The following CCDC110 variants were observed in gnomAD, a reference collection of about 807,000 sequenced individuals.
CCDC110 encodes coiled-coil domain-containing protein 110.
A neutral mutation model predicts 77.1 loss-of-function variants in CCDC110; 70 were observed. That is an observed-to-expected ratio of 0.91 (90% CI 0.75 to 1.11). The LOEUF (loss-of-function observed/expected upper bound fraction) is 1.11, where lower values mean the gene tolerates loss of function less well. Among genes scored for constraint, CCDC110 ranks in the 50% least tolerant of loss-of-function variants. The pLI is 0.00. For synonymous variants in CCDC110, 295 were observed against 312.5 expected (o/e 0.94, Z 0.59); for missense variants, 868 against 942.9 (o/e 0.92, Z 1.04).
intron 6 of CCDC110, among the ~76,000 whole-genome samples, chr4:185,454,716 A>G (rs573300050): frequency 6.6e-6 from 1 of 152,178 alleles, no homozygotes; most frequent in South Asian, 2.1e-4. Flanking sequence ...TCCATCTCAA[A>G]AAAATAAAAA....
In CCDC110 at chr4:185,467,930, G is replaced by A. The variant is rs1013733650; in HGVS notation, c.115+3015C>T. Among the ~76,000 whole-genome samples the A allele has an allele frequency of 5.2e-4, 79 of 152,212 alleles. 1 individual carries two copies. Among genetic ancestry groups the A allele is most frequent in the African/African-American group, 1.7e-3 (72 of 41,526 alleles). On this transcript the variant is annotated intron_variant, in intron 2 of 6. Coordinates refer to ENST00000307588, the MANE Select transcript of CCDC110 (RefSeq NM_152775.4). ...ACTACAGGCATGTGCCAGCACACCCGGCTAATTTTTGTATTTTTAGTAGAG... is the reference window on the plus strand; with the variant it reads ...ACTACAGGCATGTGCCAGCACACCCAGCTAATTTTTGTATTTTTAGTAGAG...
rs2095660776 is a variant in CCDC110, at chr4:185,468,871, T to C, written c.115+2074A>G. Among the ~76,000 whole-genome samples, 1 of 152,228 alleles carries C rather than the reference T, an allele frequency of 6.6e-6. No homozygotes were observed. Among genetic ancestry groups the C allele is most frequent in the Admixed American group, 6.5e-5 (1 of 15,280 alleles). On this transcript the variant is annotated intron_variant, in intron 2 of 6. Coordinates refer to ENST00000307588, the MANE Select transcript of CCDC110 (RefSeq NM_152775.4). The surrounding 1 kb of genome is among the most constrained non-coding windows in gnomAD (Gnocchi z 4.5). ...TTCCCTCACTAGAAGGTAAGCTCCATGTGGGCAGGGAATCTTGCAAGTCTT... is the reference window on the plus strand; with the variant it reads ...TTCCCTCACTAGAAGGTAAGCTCCACGTGGGCAGGGAATCTTGCAAGTCTT...
chr4:185,446,544 T>G (rs1233912861), intron 6 of CCDC110, among the ~76,000 whole-genome samples: 4 of 152,190 alleles, frequency 2.6e-5, no homozygotes, highest in African/African-American at 9.7e-5. Flanking sequence ...TATTTTGATC[T>G]AGTCAGTTGC....
At position 185,458,602 on chromosome 4, in the gene CCDC110, A is replaced by T; in HGVS notation, c.1985T>A (p.Ile662Asn). ...TAARQIMERE[I>N]ENIQTYQSTA... Reference sequence around the variant, plus strand: ...AGATTGGTAGGTTTGAATATTCTCAATTTCTCTTTCCATAATTTGTCTGGC... The same window carrying T: ...AGATTGGTAGGTTTGAATATTCTCATTTTCTCTTTCCATAATTTGTCTGGC... Residue 662 changes from isoleucine (I) to asparagine (N), a missense_variant, in exon 6 of 7, where the codon ATT (isoleucine) becomes AAT (asparagine). Physicochemically the swap from Ile to Asn is moderately radical, Grantham distance 149 (BLOSUM62 -3). Coordinates refer to ENST00000307588, the MANE Select transcript of CCDC110 (RefSeq NM_152775.4). 1 of 1,608,054 alleles carries T rather than the reference A, an allele frequency of 6.2e-7. No homozygotes were observed. The highest frequency in any genetic ancestry group is 1.7e-5 in the Admixed American group (1 of 59,884).
At chr4:185,448,265 C>T (rs908378093) in intron 6 of CCDC110, among the ~76,000 whole-genome samples, 6 of 152,182 alleles carry the variant, frequency 3.9e-5, no homozygotes, top group Non-Finnish European at 8.8e-5. Context: ...AGGTGATCCG[C>T]CCGCCTCAGC....
Position 185,459,043 on chromosome 4 carries a change from T to A in CCDC110, c.1544A>T (p.Tyr515Phe). 6 of 1,571,434 alleles carry A rather than the reference T, an allele frequency of 3.8e-6. No individual in the cohort carries two copies. The highest frequency in any genetic ancestry group is 5.2e-6 in the Non-Finnish European group (6 of 1,159,150). Reference protein sequence around the residue: ...LKEFKKIISKYNVLQGQNKTL... With the variant: ...LKEFKKIISKFNVLQGQNKTL... ...TTTATTTTGGCCTTGCAGAACATTA[T>A]ATTTACTAATTATTTTTTTAAATTC... is the stretch of plus-strand genomic sequence containing the variant. The change falls in exon 6 of 7, where the codon TAT (tyrosine) becomes TTT (phenylalanine). Residue 515 changes from tyrosine to phenylalanine, a missense_variant. Transcript: ENST00000307588.
intron 6 of CCDC110, chr4:185,449,601 T>C (rs1466897339): frequency 1.9e-6 from 3 of 1,541,154 alleles, no homozygotes; most frequent in African/African-American, 1.4e-5. Flanking sequence ...TTTAGGGCAC[T>C]AAATTCAAAG....
rs1218493926 is a variant in CCDC110 at position 185,450,842 on chromosome 4, G to A, written c.2462-5300C>T. On this transcript the variant is annotated intron_variant, in intron 6 of 6. Transcript: ENST00000307588. ...TAGCCCTCATTCACCAGGGGCAGGGGCTGGTGGGGTTTGTATTTTAAAAGG... is the reference window on the plus strand; with the variant it reads ...TAGCCCTCATTCACCAGGGGCAGGGACTGGTGGGGTTTGTATTTTAAAAGG... 2.0e-5 allele frequency among the ~76,000 whole-genome samples: 3 copies of A among 152,076 alleles called. No homozygotes were observed. In the East Asian group the frequency reaches 5.8e-4, roughly 29 times the overall value.
intron 6 of CCDC110, chr4:185,457,667 C>G: frequency 2.8e-6 from 2 of 720,202 alleles, no homozygotes; most frequent in Non-Finnish European, 4.1e-6. Flanking sequence ...AAAAACTAGT[C>G]TAATCAATTA....
At position 185,458,309 on chromosome 4, in the gene CCDC110, A is replaced by G. The variant is rs774025765; in HGVS notation, c.2278T>C (p.Leu760=). 3 of 1,594,418 alleles carry G rather than the reference A, an allele frequency of 1.9e-6. No individual in the cohort carries two copies. The highest frequency in any genetic ancestry group is 2.6e-6 in the Non-Finnish European group (3 of 1,174,570). ...VRSIENERDT[L]EFEMRHLQRE... is the part of the protein sequence containing the mutation. ...TGAAGATGCCGCATCTCAAATTCCA[A>G]GGTATCCCTTTCATTTTCTATGCTT... Residue 760 remains leucine (L), a synonymous_variant, in exon 6 of 7, where the codon TTG becomes CTG. Transcript: ENST00000307588.
chr4:185,451,250 T>C (rs1395724009), intron 6 of CCDC110, among the ~76,000 whole-genome samples: 1 of 152,208 alleles, frequency 6.6e-6, no homozygotes, highest in Non-Finnish European at 1.5e-5. Flanking sequence ...CAGTCTTGGG[T>C]ATGTCTTTAT....
At chr4:185,454,711 C>T (rs1322231695) in intron 6 of CCDC110, among the ~76,000 whole-genome samples, 3 of 151,940 alleles carry the variant, frequency 2.0e-5, no homozygotes, top group Non-Finnish European at 4.4e-5. Flanking sequence ...AAGACTCCAT[C>T]TCAAAAAAAT....
Position 185,445,196 on chromosome 4 carries a change from A to G in CCDC110, c.*306T>C. ...TTGTTTCCAACTTTTATACTTCTTC[A>G]AAATAGTATCTTTTATTTATATATA... On this transcript the variant is annotated 3_prime_UTR_variant, in exon 7 of 7. Transcript: ENST00000307588. 3.1e-6 allele frequency: 4 copies of G among 1,302,902 alleles called. No individual in the cohort carries two copies. Among genetic ancestry groups the G allele is most frequent in the Non-Finnish European group, 4.2e-6 (4 of 943,744 alleles). The allele number at this position is 1,302,902 out of a possible 1,614,324, so 80.7% of individuals were successfully genotyped here.
chr4:185,469,927 G>A (rs2095662844), intron 2 of CCDC110, among the ~76,000 whole-genome samples: 1 of 152,158 alleles, frequency 6.6e-6, no homozygotes, highest in African/African-American at 2.4e-5. Context: ...GCAACTGGGG[G>A]TCCGGGCATG....
In CCDC110 at chr4:185,459,838, T is replaced by A; in HGVS notation, c.749A>T (p.Glu250Val). 6.2e-7 allele frequency: 1 copy of A among 1,613,420 alleles called. No homozygotes were observed. The highest frequency in any genetic ancestry group is 8.5e-7 in the Non-Finnish European group (1 of 1,179,838). Residue 250 changes from glutamate (E) to valine (V), a missense_variant, in exon 6 of 7, where the codon GAA becomes GTA. Physicochemically the swap from Glu to Val is moderately radical, Grantham distance 121. Transcript: ENST00000307588. ...CCCATCATGTGACTTTTGAAGCTCT[T>A]CTTTCATTTGTTTGATAGAATGGCA... ...DICHSIKQMK[E>V]ELQKSHDGEV...
intron 2 of CCDC110, among the ~76,000 whole-genome samples, chr4:185,464,766 A>G (rs1191781803): frequency 6.6e-6 from 1 of 152,172 alleles, no homozygotes; most frequent in Non-Finnish European, 1.5e-5. Context: ...TTACATAAAT[A>G]TTGCCTATAT....
chr4:185,460,682 C>A (rs1411695079), intron 5 of CCDC110, among the ~76,000 whole-genome samples: 1 of 152,128 alleles, frequency 6.6e-6, no homozygotes, highest in African/African-American at 2.4e-5. Flanking sequence ...GAGTTCGAGT[C>A]AGTGTGGACA....
At chr4:185,460,809 C>A in intron 5 of CCDC110, 2 of 401,438 alleles carry the variant, frequency 5.0e-6, no homozygotes, top group South Asian at 2.2e-5. Flanking sequence ...ACTCGGGAAT[C>A]TTTCACGATC....
chr4:185,459,267 C>T lies in CCDC110; in HGVS notation c.1320G>A (p.Gln440=). The change falls in exon 6 of 7, where the codon CAG becomes CAA. Residue 440 remains glutamine (Q), a synonymous_variant. Coordinates refer to ENST00000307588, the MANE Select transcript of CCDC110 (RefSeq NM_152775.4). ...YLQNYLKESV[Q]IQKKVMELES... ...CCAGTTCCATTACTTTTTTCTGTAT[C>T]TGCACAGATTCTTTTAGGTAATTCT... 6.2e-7 allele frequency: 1 copy of T among 1,612,954 alleles called. No individual in the cohort carries two copies. The highest frequency in any genetic ancestry group is 8.5e-7 in the Non-Finnish European group (1 of 1,179,490).
Sources: gnomAD v4.1 joint callset for allele counts (sites outside exome capture counted in the v4.1 genomes callset) on GRCh38, gnomAD v4.1.1 for gene constraint, Gnocchi (gnomAD v3.1) non-coding constraint, MANE v1.5 for transcripts, NCBI Gene and HGNC (gene_info 2026-07-23, HGNC 2026-07-21) for gene names.